AKR1C2: variants seen among roughly 807,000 people sequenced by gnomAD.
AKR1C2 encodes the protein 3-alpha-HSD3.
A neutral mutation model predicts 39.8 loss-of-function variants in AKR1C2; 27 were observed. The observed-to-expected ratio is 0.68, with a 90% CI of 0.50 to 0.93. The LOEUF (loss-of-function observed/expected upper bound fraction) is 0.93. Among genes scored for constraint, AKR1C2 ranks in the 40% least tolerant of loss-of-function variants. AKR1C2 has a pLI of 0.00. For missense variants in AKR1C2, 263 were observed against 365.1 expected, an observed-to-expected ratio of 0.72 and a Z score of 2.28; for synonymous variants, 114 against 137.9, an observed-to-expected ratio of 0.83 and a Z score of 1.22.
chr10:5,004,757 T>G (rs1554774232), upstream of AKR1C2: 1 of 140,374 alleles, frequency 7.1e-6, no homozygotes, highest in Non-Finnish European at 1.5e-5. Flanking sequence ...GGAGGTCAGG[T>G]TAAAACAAGA....
At chr10:4,999,055 T>A in intron 4 of AKR1C2, 145 bp downstream of exon 4, 1 of 1,573,738 alleles carries the variant, frequency 6.4e-7, no homozygotes, top group Non-Finnish European at 8.6e-7. Context: ...CATTTCTTTT[T>A]CCTCGCTGCT....
chr10:4,998,016 C>T (rs1179808104), intron 5 of AKR1C2, among the ~76,000 whole-genome samples: 1 of 152,230 alleles, frequency 6.6e-6, no homozygotes, highest in Non-Finnish European at 1.5e-5. Context: ...TCTGCTGAAC[C>T]TTCCTCAGTG....
intron 1 of AKR1C2, among the ~76,000 whole-genome samples, chr10:5,012,505 T>C (rs1245359484): frequency 2.0e-5 from 3 of 149,948 alleles, no homozygotes; most frequent in Non-Finnish European, 2.9e-5. Flanking sequence ...GAAAGACCCA[T>C]AGGGAAGAGA....
At chr10:5,004,515 A>G (rs1837357686), upstream of AKR1C2, among the ~76,000 whole-genome samples, 1 of 152,186 alleles carries the variant, frequency 6.6e-6, no homozygotes, top group Non-Finnish European at 1.5e-5. Flanking sequence ...ATTTCTTATT[A>G]ACAGCTTTTG....
intron 7 of AKR1C2, among the ~76,000 whole-genome samples, chr10:4,994,642 C>G (rs1836968947): frequency 6.6e-6 from 1 of 151,672 alleles, no homozygotes; most frequent in Non-Finnish European, 1.5e-5. Flanking sequence ...GGCACTCACA[C>G]AGATGCCCCA....
chr10:5,003,514 G>T (rs574163462), intron 1 of AKR1C2, among the ~76,000 whole-genome samples: 2 of 151,166 alleles, frequency 1.3e-5, no homozygotes, highest in Non-Finnish European at 2.9e-5. Context: ...GGCAAGCCGT[G>T]TTCTTTCTGC....
At chr10:5,009,663 C>T (rs1173200672) in intron 1 of AKR1C2, among the ~76,000 whole-genome samples, 1 of 152,010 alleles carries the variant, frequency 6.6e-6, no homozygotes, top group African/African-American at 2.4e-5. Flanking sequence ...TGAGAACAGG[C>T]ATTTCTGTTT....
rs1836772929 is a variant in AKR1C2 at position 4,989,851 on chromosome 10, A to T, written c.*145T>A. On this transcript the variant is annotated 3_prime_UTR_variant, in exon 9 of 9. Coordinates refer to ENST00000380753, the MANE Select transcript of AKR1C2 (RefSeq NM_001393392.1). ...AATTATTGTCTTTCTTTTCCGGCCG[A>T]TGGGCTTAGCTGTAGCTTACTGAAG... is the stretch of plus-strand genomic sequence containing the variant. The T allele has an allele frequency of 3.3e-6, 4 of 1,199,944 alleles. No homozygotes were observed. Among genetic ancestry groups the T allele is most frequent in the South Asian group, 1.5e-5 (1 of 67,994 alleles). The allele number at this position is 1,199,944 out of a possible 1,614,324, so 74.3% of individuals were successfully genotyped here. A position where few individuals can be genotyped will look rare whatever the true frequency, so the allele number is the denominator to read the frequency against.
At position 5,011,116 on chromosome 10, in the gene AKR1C2, G is replaced by A. The variant is rs1837514465; in HGVS notation, c.-88+6784C>T. Among the ~76,000 whole-genome samples the A allele has an allele frequency of 1.3e-5, 2 of 150,238 alleles. 1 individual carries two copies. The highest frequency in any genetic ancestry group is 4.2e-4 in the South Asian group (2 of 4,800). On this transcript the variant is annotated intron_variant, in intron 1 of 6. Transcript: ENST00000604507. ...TAATTGCAAATTGTGAATCTAATAG[G>A]GCACTGATATCCAAAATTTATAAGG...
At chr10:4,999,121 A>G (rs1306502165) in intron 4 of AKR1C2, 79 bp downstream of exon 4, 3 of 1,392,892 alleles carry the variant, frequency 2.2e-6, no homozygotes, top group Non-Finnish European at 2.9e-6. Context: ...TGCATTTTCC[A>G]TACTTGTACT....
chr10:4,993,888 AGT>A (rs1442654544), intron 7 of AKR1C2, among the ~76,000 whole-genome samples: 2 of 151,364 alleles, frequency 1.3e-5, no homozygotes, highest in African/African-American at 2.4e-5. Context: ...TAATTTCCAC[AGT>A]CTTTCATAAC....
In AKR1C2 at chr10:5,000,674, G is replaced by A; in HGVS notation, c.253-8C>T. The A allele has an allele frequency of 6.2e-7, 1 of 1,606,844 alleles. No homozygotes were observed. The highest frequency in any genetic ancestry group is 8.5e-7 in the Non-Finnish European group (1 of 1,177,668). ...ATGGGAATTGCTCCAAAGCTGCAGA[G>A]GTTAGAGAAACGAAGTTGTGTAATG... On this transcript the variant is annotated splice_region_variant and splice_polypyrimidine_tract_variant and intron_variant, in intron 2 of 8. Transcript: ENST00000380753.
rs1199048781 is a variant in AKR1C2 at position 4,989,784 on chromosome 10, T to A, written c.*212A>T. On this transcript the variant is annotated 3_prime_UTR_variant, in exon 9 of 9. Transcript: ENST00000380753. The stretch of plus-strand genomic sequence containing the variant: ...TATGGAGACCAAAGTAGGTGAAGAA[T>A]CTTTAGGAGAGAGCATTTAATTTTT... The A allele has an allele frequency of 1.5e-6, 1 of 659,258 alleles. No individual in the cohort carries two copies. The highest frequency in any genetic ancestry group is 2.5e-6 in the Non-Finnish European group (1 of 395,136). The allele number at this position is 659,258 out of a possible 1,614,324, so 40.8% of individuals were successfully genotyped here. A position where few individuals can be genotyped will look rare whatever the true frequency, so the allele number is the denominator to read the frequency against.
In AKR1C2 at chr10:4,989,675, C is replaced by T; in HGVS notation, c.*321G>A. 2.8e-6 allele frequency: 1 copy of T among 357,850 alleles called. No individual in the cohort carries two copies. The highest frequency in any genetic ancestry group is 7.0e-5 in the East Asian group (1 of 14,232). 22.2% of individuals were successfully genotyped at this position (357,850 alleles called of 1,614,324 possible). ...GAAATGAATCTTAAATGGTTGTTAACATCTTCCAACCCCGGCCCTAAACGT... is the reference window on the plus strand; with the variant it reads ...GAAATGAATCTTAAATGGTTGTTAATATCTTCCAACCCCGGCCCTAAACGT... On this transcript the variant is annotated 3_prime_UTR_variant, in exon 9 of 9. Transcript: ENST00000380753.
intron 7 of AKR1C2, among the ~76,000 whole-genome samples, chr10:4,992,159 G>A (rs1275959117): frequency 1.3e-5 from 2 of 150,060 alleles, no homozygotes; most frequent in African/African-American, 4.9e-5. Flanking sequence ...GAATATCTCA[G>A]AGGAAGCTGA....
intron 1 of AKR1C2, among the ~76,000 whole-genome samples, chr10:5,002,299 G>C (rs1257590755): frequency 2.0e-5 from 3 of 152,170 alleles, no homozygotes; most frequent in African/African-American, 7.2e-5. Flanking sequence ...TACACAAACA[G>C]TTACGTAGAG....
Position 5,000,456 on chromosome 10 carries a change from T to C in AKR1C2, c.369+94A>G, listed in dbSNP as rs782107535. 1.2e-5 allele frequency: 20 copies of C among 1,608,502 alleles called. No homozygotes were observed. In the Middle Eastern group the frequency reaches 4.9e-4, roughly 40 times the overall value. On this transcript the variant is annotated intron_variant, in intron 3 of 8. Coordinates refer to ENST00000380753, the MANE Select transcript of AKR1C2 (RefSeq NM_001393392.1). ...CTTCTTCCATGTTAAAATCCCTATG[T>C]CCTCCTAAGAAAAAGCTTAGTTCAA...
chr10:4,990,410 G>T (rs1187715733), intron 8 of AKR1C2, among the ~76,000 whole-genome samples: 2 of 152,132 alleles, frequency 1.3e-5, no homozygotes, highest in African/African-American at 4.8e-5. Context: ...CATTGAAGAG[G>T]AATAAGGAAG....
At chr10:5,009,075 G>T (rs545400974) in intron 1 of AKR1C2, among the ~76,000 whole-genome samples, 55 of 152,278 alleles carry the variant, frequency 3.6e-4, no homozygotes, top group African/African-American at 1.3e-3. Flanking sequence ...GGAAGAGCTG[G>T]GAGGCTGTGG....
Sources: allele counts gnomAD v4.1 joint callset (sites outside exome capture counted in the v4.1 genomes callset), GRCh38; gene constraint gnomAD v4.1.1; transcripts MANE v1.5; gene names NCBI Gene and HGNC (gene_info 2026-07-23, HGNC 2026-07-21).